The following SMIM10L3 variants were observed in gnomAD, a reference collection of about 807,000 sequenced individuals.
SMIM10L3 encodes the protein salivary gland specific protein SAGSIN1.
chr7:6,339,088 A>G, the SMIM10L3 span, among the ~76,000 whole-genome samples: 1 of 152,204 alleles, frequency 6.6e-6, no homozygotes, highest in Non-Finnish European at 1.5e-5. Flanking sequence ...CAATGACCAC[A>G]GCACTTCTAA....
the SMIM10L3 span, among the ~76,000 whole-genome samples, chr7:6,343,208 C>A: frequency 6.6e-6 from 1 of 150,944 alleles, no homozygotes; most frequent in Non-Finnish European, 1.5e-5. Context: ...GAAGCCCCGT[C>A]TCTACTAAAA....
the SMIM10L3 span, among the ~76,000 whole-genome samples, chr7:6,341,133 G>C: frequency 0.013 from 1,787 of 142,790 alleles, 20 homozygotes; most frequent in South Asian, 0.039. Context: ...GACACAGCAA[G>C]ACTCTGTCCC....
At chr7:6,333,496 ATTG>A in the SMIM10L3 span, among the ~76,000 whole-genome samples, 3 of 152,120 alleles carry the variant, frequency 2.0e-5, no homozygotes, top group Non-Finnish European at 4.4e-5. Flanking sequence ...AAAGTTTCAT[ATTG>A]TTGTTGTTGC....
At chr7:6,336,682 CAAAAA>C in the SMIM10L3 span, among the ~76,000 whole-genome samples, 1 of 122,950 alleles carries the variant, frequency 8.1e-6, no homozygotes, top group Non-Finnish European at 1.8e-5. Flanking sequence ...AGACTTTGTC[CAAAAA>C]AAAAAAAAAA....
chr7:6,329,477 T>C, the SMIM10L3 span: 1 of 152,744 alleles, frequency 6.5e-6, no homozygotes, highest in African/African-American at 2.4e-5. Flanking sequence ...AACACTAAAA[T>C]AGCACATGGC....
At chr7:6,344,800 G>T in the SMIM10L3 span, among the ~76,000 whole-genome samples, 6 of 149,344 alleles carry the variant, frequency 4.0e-5, no homozygotes, top group Middle Eastern at 7.6e-3. Flanking sequence ...GAGTGCAATG[G>T]CACGAACTTG....
the SMIM10L3 span, among the ~76,000 whole-genome samples, chr7:6,342,230 C>T: frequency 6.6e-6 from 1 of 151,766 alleles, no homozygotes; most frequent in Non-Finnish European, 1.5e-5. Context: ...CTCTTTCTCT[C>T]TCTCTCTTTC....
At chr7:6,333,180 A>C in the SMIM10L3 span, among the ~76,000 whole-genome samples, 20 of 151,700 alleles carry the variant, frequency 1.3e-4, no homozygotes, top group African/African-American at 3.1e-4. Flanking sequence ...AAAAAAAAAA[A>C]ACAAAAAACA....
chr7:6,336,827 T>G, the SMIM10L3 span, among the ~76,000 whole-genome samples: 1 of 152,092 alleles, frequency 6.6e-6, no homozygotes, highest in African/African-American at 2.4e-5. Context: ...GCTAATTTTT[T>G]GTATTTTGTG....
At chr7:6,345,637 A>AT in the SMIM10L3 span, among the ~76,000 whole-genome samples, 1 of 152,142 alleles carries the variant, frequency 6.6e-6, no homozygotes, top group Non-Finnish European at 1.5e-5. Flanking sequence ...CATTCTTGTG[A>AT]TTTTTACAAA....
At chr7:6,339,508 G>T in the SMIM10L3 span, among the ~76,000 whole-genome samples, 1 of 151,586 alleles carries the variant, frequency 6.6e-6, no homozygotes, top group African/African-American at 2.4e-5. Flanking sequence ...TTTTGAGACG[G>T]AGTCTCGCTC....
At chr7:6,340,349 C>T in the SMIM10L3 span, among the ~76,000 whole-genome samples, 5 of 152,126 alleles carry the variant, frequency 3.3e-5, no homozygotes, top group African/African-American at 9.7e-5. Context: ...AAGGACAAAA[C>T]GCTGCTGAGA....
the SMIM10L3 span, chr7:6,331,071 G>C: frequency 6.2e-7 from 1 of 1,613,556 alleles, no homozygotes; most frequent in African/African-American, 1.3e-5. Flanking sequence ...TCTTAAGGCT[G>C]CATGATAGTT....
chr7:6,333,840 CT>C, the SMIM10L3 span, among the ~76,000 whole-genome samples: 488 of 96,834 alleles, frequency 5.0e-3, no homozygotes, highest in African/African-American at 6.4e-3. Flanking sequence ...CTCCTGGCCT[CT>C]TTTTTTTTTT....
chr7:6,333,069 A>G, the SMIM10L3 span, among the ~76,000 whole-genome samples: 2 of 151,552 alleles, frequency 1.3e-5, no homozygotes, highest in Non-Finnish European at 2.9e-5. Context: ...AAGCGAGAGA[A>G]TTGCGTGAAC....
chr7:6,346,927 T>TCC, the SMIM10L3 span, among the ~76,000 whole-genome samples: 2 of 152,242 alleles, frequency 1.3e-5, no homozygotes, highest in South Asian at 4.2e-4. Context: ...GGAGGGTCCC[T>TCC]CCTTCAGCAC....
the SMIM10L3 span, among the ~76,000 whole-genome samples, chr7:6,348,187 T>C: frequency 7.0e-6 from 1 of 142,942 alleles, no homozygotes; most frequent in Non-Finnish European, 1.5e-5. Flanking sequence ...ATTACAGGAG[T>C]AAGCCACCGC....
chr7:6,334,353 T>C, the SMIM10L3 span, among the ~76,000 whole-genome samples: 6 of 151,058 alleles, frequency 4.0e-5, no homozygotes, highest in Non-Finnish European at 7.4e-5. Context: ...CTGAACAACA[T>C]GGTAAAACCC....
chr7:6,343,285 G>T, the SMIM10L3 span, among the ~76,000 whole-genome samples: 31 of 150,750 alleles, frequency 2.1e-4, no homozygotes, highest in African/African-American at 7.5e-4. Flanking sequence ...GCTGAGGCAG[G>T]AGAATCGCTT....
Sources: gnomAD v4.1 joint callset for allele counts (sites outside exome capture counted in the v4.1 genomes callset) on GRCh38, gnomAD v4.1.1 for gene constraint, MANE v1.5 for transcripts, NCBI Gene and HGNC (gene_info 2026-07-23, HGNC 2026-07-21) for gene names.